Variants in SLMAP observed in about 807,000 individuals in gnomAD.
The protein encoded by SLMAP is sarcolemma associated protein, also known as sarcolemmal membrane-associated protein.
A neutral mutation model predicts 128.8 loss-of-function variants in SLMAP; 44 were observed. The observed-to-expected ratio is 0.34, with a 90% CI of 0.27 to 0.44. The LOEUF (loss-of-function observed/expected upper bound fraction) is 0.44. Ranked by LOEUF, SLMAP falls within the 20% of genes least tolerant of loss-of-function variation. SLMAP has a pLI of 1.00. For synonymous variants in SLMAP, 327 were observed against 348.8 expected (o/e 0.94, Z 0.70); for missense variants, 787 against 985.3 (o/e 0.80, Z 2.69).
intron 2 of SLMAP, among the ~76,000 whole-genome samples, chr3:57,761,829 T>C (rs1306335966): frequency 1.4e-5 from 2 of 144,638 alleles, no homozygotes; most frequent in East Asian, 2.2e-4. Flanking sequence ...GGGTGGATCA[T>C]GAGGTCAGGA....
At chr3:57,921,215 T>C (rs2096911514) in intron 22 of SLMAP, among the ~76,000 whole-genome samples, 1 of 152,198 alleles carries the variant, frequency 6.6e-6, no homozygotes. Context: ...TTCACATTGG[T>C]CTCACCTTTA....
intron 17 of SLMAP, 45 bp from the exon 18 acceptor site, chr3:57,907,839 G>T (rs754239703): frequency 6.3e-7 from 1 of 1,585,412 alleles, no homozygotes; most frequent in Non-Finnish European, 8.6e-7. Flanking sequence ...GTAGATTATA[G>T]TGTGATACTA....
intron 6 of SLMAP, among the ~76,000 whole-genome samples, chr3:57,852,397 A>G (rs1037347225): frequency 2.6e-5 from 4 of 152,242 alleles, no homozygotes; most frequent in Admixed American, 6.5e-5. Flanking sequence ...GAGTATTCTA[A>G]GCCAAAATTC....
chr3:57,842,217 G>A (rs190251429), intron 4 of SLMAP, among the ~76,000 whole-genome samples: 2 of 152,242 alleles, frequency 1.3e-5, no homozygotes, highest in East Asian at 3.9e-4. Context: ...TCCCATTACT[G>A]TCCGTGCTTT....
intron 2 of SLMAP, among the ~76,000 whole-genome samples, chr3:57,812,327 C>T (rs1406651676): frequency 2.0e-5 from 3 of 152,136 alleles, no homozygotes; most frequent in Non-Finnish European, 4.4e-5. Context: ...GTTGAAAAGA[C>T]TATTCTTTCC....
At chr3:57,907,096 C>T (rs1233858280) in intron 17 of SLMAP, among the ~76,000 whole-genome samples, 2 of 152,128 alleles carry the variant, frequency 1.3e-5, no homozygotes, top group East Asian at 3.9e-4. Flanking sequence ...GGCGCGATCT[C>T]GGCTCACTGC....
At chr3:57,856,816 A>G (rs561855513) in intron 6 of SLMAP, among the ~76,000 whole-genome samples, 1 of 152,226 alleles carries the variant, frequency 6.6e-6, no homozygotes, top group Non-Finnish European at 1.5e-5. Flanking sequence ...AACTGGCAGC[A>G]CAGTAGGTTT....
chr3:57,838,998 A>G (rs1237415608), intron 3 of SLMAP, among the ~76,000 whole-genome samples: 1 of 151,984 alleles, frequency 6.6e-6, no homozygotes, highest in Non-Finnish European at 1.5e-5. Flanking sequence ...GGTCTTGCCC[A>G]GCTGGAGTGC....
At chr3:57,862,692 A>G (rs1301279161) in intron 10 of SLMAP, among the ~76,000 whole-genome samples, 1 of 151,780 alleles carries the variant, frequency 6.6e-6, no homozygotes, top group African/African-American at 2.4e-5. Flanking sequence ...ATAGATAGAT[A>G]TTTTGAATTG....
At chr3:57,853,466 CATAA>C (rs1308549297) in intron 6 of SLMAP, among the ~76,000 whole-genome samples, 1 of 152,078 alleles carries the variant, frequency 6.6e-6, no homozygotes, top group African/African-American at 2.4e-5. Flanking sequence ...GCGTTAGGGT[CATAA>C]GTGTTCCTCT....
At chr3:57,791,561 C>A (rs2153475914) in intron 2 of SLMAP, among the ~76,000 whole-genome samples, 1 of 151,960 alleles carries the variant, frequency 6.6e-6, no homozygotes, top group East Asian at 1.9e-4. Flanking sequence ...TCTTGAAAAA[C>A]AGTTTGAGAA....
Position 57,831,363 on chromosome 3 carries a change from G to A in SLMAP, c.199-20G>A. 1 of 1,451,396 alleles carries A rather than the reference G, an allele frequency of 6.9e-7. No homozygotes were observed. Among genetic ancestry groups the A allele is most frequent in the East Asian group, 2.5e-5 (1 of 40,184 alleles). 89.9% of individuals were successfully genotyped at this position (1,451,396 alleles called of 1,614,324 possible). A position where few individuals can be genotyped will look rare whatever the true frequency, so the allele number is the denominator to read the frequency against. ...TACTATTAATATTTGGCCCTTTTTT[G>A]TTTTTGTTTTTTTTTGCAGTTTTAT... On this transcript the variant is annotated intron_variant, in intron 2 of 24. Transcript: ENST00000671191.
Position 57,817,212 on chromosome 3 carries a change from G to A in SLMAP, c.199-14171G>A, listed in dbSNP as rs115668530. Among the ~76,000 whole-genome samples, 447 of 152,310 alleles carry A rather than the reference G, an allele frequency of 2.9e-3. 3 individuals carry two copies. Among genetic ancestry groups the A allele is most frequent in the African/African-American group, 9.4e-3 (389 of 41,562 alleles). Reference sequence around the variant, plus strand: ...GGTAAGAGGAACTGTAATCGGAAGGGAAAGGCAGTATGCAATTGAGAGATT... The same window carrying A: ...GGTAAGAGGAACTGTAATCGGAAGGAAAAGGCAGTATGCAATTGAGAGATT... On this transcript the variant is annotated intron_variant, in intron 2 of 24. Transcript: ENST00000671191.
rs35541333 is a variant in SLMAP, at chr3:57,885,771, C to CTTTTTTTTTTTTTTTTTTTTTTTTTT, written c.1301-4265_1301-4240dup. Among the ~76,000 whole-genome samples, 3 of 53,580 alleles carry CTTTTTTTTTTTTTTTTTTTTTTTTTT rather than the reference C, an allele frequency of 5.6e-5. 1 individual carries two copies. The allele number at this position is 53,580 out of a possible 152,430, so 35.2% of individuals were successfully genotyped here. ...TTGTTTTGCTTTTCGGTTTTTGGTT[C>CTTTTTTTTTTTTTTTTTTTTTTTTTT]TTTTTTTTTTTTTTTTTTTTTTTTT... On this transcript the variant is annotated intron_variant, in intron 14 of 24. Coordinates refer to ENST00000671191, the MANE Select transcript of SLMAP (RefSeq NM_001377540.1).
intron 15 of SLMAP, among the ~76,000 whole-genome samples, chr3:57,891,718 A>T (rs1375789064): frequency 6.6e-6 from 1 of 152,138 alleles, no homozygotes; most frequent in Non-Finnish European, 1.5e-5. Context: ...CTGGAATTAT[A>T]GGCGCATGCC....
intron 2 of SLMAP, among the ~76,000 whole-genome samples, chr3:57,783,708 A>C (rs1308988606): frequency 6.6e-6 from 1 of 152,192 alleles, no homozygotes; most frequent in Non-Finnish European, 1.5e-5. Context: ...TATGGATAGG[A>C]GGGAGCCAAG....
In SLMAP at chr3:57,884,677, T is replaced by C. The variant is rs536423478; in HGVS notation, c.1301-5364T>C. Among the ~76,000 whole-genome samples the C allele has an allele frequency of 2.0e-5, 3 of 152,128 alleles. No individual in the cohort carries two copies. The South Asian group carries it at 6.2e-4, about 32-fold the overall frequency. On this transcript the variant is annotated intron_variant, in intron 14 of 24. Transcript: ENST00000671191. ...GCAAAGAATCAGCCGGGCATGGTGG[T>C]GTGTACCTGTAGTTCCAGCTACTTG...
chr3:57,779,281 G>T (rs1046251463), intron 2 of SLMAP, among the ~76,000 whole-genome samples: 1 of 152,082 alleles, frequency 6.6e-6, no homozygotes, highest in East Asian at 1.9e-4. Flanking sequence ...GCTGAGGCAG[G>T]TAGATTGCTT....
intron 14 of SLMAP, among the ~76,000 whole-genome samples, chr3:57,883,525 A>T (rs1467584744): frequency 2.6e-5 from 4 of 152,216 alleles, no homozygotes; most frequent in African/African-American, 7.2e-5. Flanking sequence ...TAAAAGTAGG[A>T]GTGAGTGATA....
Sources: allele counts gnomAD v4.1 joint callset (sites outside exome capture counted in the v4.1 genomes callset), GRCh38; gene constraint gnomAD v4.1.1; transcripts MANE v1.5; gene names NCBI Gene and HGNC (gene_info 2026-07-23, HGNC 2026-07-21).